CNTN3: variants seen among roughly 807,000 people sequenced by gnomAD.
The protein encoded by CNTN3 is contactin-3.
In CNTN3, 60 loss-of-function variants were observed where a neutral mutation model predicts 119.1. The ratio of observed to expected loss-of-function variants is 0.50; its 90% CI spans 0.41 to 0.62. The LOEUF (loss-of-function observed/expected upper bound fraction) is 0.62. Ranked by LOEUF, CNTN3 falls within the 20% of genes least tolerant of loss-of-function variation. The probability of loss-of-function intolerance (pLI) is 0.00; values close to 1 mark genes in which losing one functional copy is unlikely to be tolerated. For missense variants in CNTN3, 1,101 were observed against 1,242.4 expected, an observed-to-expected ratio of 0.89 and a Z score of 1.71; for synonymous variants, 450 against 438.7, an observed-to-expected ratio of 1.03 and a Z score of -0.32.
chr3:74,499,258 C>A (rs757897849), intron 3 of CNTN3, among the ~76,000 whole-genome samples: 1 of 151,826 alleles, frequency 6.6e-6, no homozygotes. Flanking sequence ...AACCTCCAAG[C>A]ACATATCCAG....
At position 74,557,367 on chromosome 3, in the gene CNTN3, T is replaced by C. The variant is rs371752926; in HGVS notation, c.-80-36175A>G. On this transcript the variant is annotated intron_variant, in intron 1 of 22. Transcript: ENST00000263665. ...GGCAGATGGATATCCAGTTTTCCCA[T>C]CACTGTGATGGCATTTTGAAAATAT... is the stretch of plus-strand genomic sequence containing the variant. 2.6e-5 allele frequency among the ~76,000 whole-genome samples: 4 copies of C among 152,260 alleles called. No individual in the cohort carries two copies. The East Asian group carries it at 7.7e-4, about 29-fold the overall frequency.
At chr3:74,298,625 G>A (rs1490839585) in intron 17 of CNTN3, among the ~76,000 whole-genome samples, 13 of 150,874 alleles carry the variant, frequency 8.6e-5, no homozygotes, top group Admixed American at 5.9e-4. Flanking sequence ...GGCCTGGTAC[G>A]GTGGCTCACG....
intron 19 of CNTN3, among the ~76,000 whole-genome samples, chr3:74,289,821 T>A (rs1471563363): frequency 1.3e-5 from 2 of 152,218 alleles, no homozygotes; most frequent in Non-Finnish European, 2.9e-5. Flanking sequence ...GTATGTCAGA[T>A]ACTACTCCAG....
At chr3:74,424,290 C>T (rs972867193) in intron 5 of CNTN3, among the ~76,000 whole-genome samples, 3 of 151,910 alleles carry the variant, frequency 2.0e-5, no homozygotes, top group Non-Finnish European at 4.4e-5. Flanking sequence ...TTCTGAATTT[C>T]TAGTAATATT....
intron 11 of CNTN3, among the ~76,000 whole-genome samples, chr3:74,357,097 T>C (rs1232972384): frequency 6.6e-6 from 1 of 151,716 alleles, no homozygotes; most frequent in African/African-American, 2.4e-5. Flanking sequence ...CTAATTATTT[T>C]TGTATTTTTT....
Position 74,449,322 on chromosome 3 carries a change from T to C in CNTN3, c.359-24382A>G, listed in dbSNP as rs900461595. On this transcript the variant is annotated intron_variant, in intron 4 of 22. Coordinates refer to ENST00000263665, the MANE Select transcript of CNTN3 (RefSeq NM_020872.3). ...GAGGTTCTGAGTCTTAAGTAAATCA[T>C]ACCACTGCAGTACAGAGTTTAAATC... 2.6e-5 allele frequency among the ~76,000 whole-genome samples: 4 copies of C among 152,202 alleles called. No homozygotes were observed. In the South Asian group the frequency reaches 6.2e-4, roughly 24 times the overall value.
In CNTN3 at chr3:74,273,902, T is replaced by C. The variant is rs183084691; in HGVS notation, c.2705-6524A>G. On this transcript the variant is annotated intron_variant, in intron 20 of 22. Transcript: ENST00000263665. ...TTTTCTTTCCCAGCTGGGAGGTGGG[T>C]AGCCTGGGGAAACTTCTCAGCCCTG... Among the ~76,000 whole-genome samples the C allele has an allele frequency of 5.4e-3, 827 of 152,122 alleles. 8 individuals carry two copies. The highest frequency in any genetic ancestry group is 0.019 in the African/African-American group (768 of 41,466).
intron 1 of CNTN3, among the ~76,000 whole-genome samples, chr3:74,569,179 A>G (rs543083687): frequency 4.5e-4 from 69 of 152,228 alleles, no homozygotes; most frequent in African/African-American, 1.6e-3. Context: ...CTAAAGACTC[A>G]TATCTGTTAC....
chr3:74,581,999 T>C (rs950809598), intron 1 of CNTN3, among the ~76,000 whole-genome samples: 1 of 152,038 alleles, frequency 6.6e-6, no homozygotes, highest in Admixed American at 6.6e-5. Flanking sequence ...CAAAATATTC[T>C]CCAGAAGAAT....
intron 4 of CNTN3, among the ~76,000 whole-genome samples, chr3:74,458,543 C>A (rs1474144765): frequency 6.6e-6 from 1 of 151,962 alleles, no homozygotes; most frequent in Non-Finnish European, 1.5e-5. Flanking sequence ...AGTACAAAGG[C>A]AGAACTCAGT....
intron 1 of CNTN3, among the ~76,000 whole-genome samples, chr3:74,594,485 T>G (rs2106692791): frequency 6.6e-6 from 1 of 150,444 alleles, no homozygotes; most frequent in African/African-American, 2.4e-5. Context: ...GATGTTCCCC[T>G]TCCTGTGTCC....
chr3:74,303,827 T>C (rs1442314063), intron 13 of CNTN3, among the ~76,000 whole-genome samples: 1 of 152,218 alleles, frequency 6.6e-6, no homozygotes, highest in Non-Finnish European at 1.5e-5. Flanking sequence ...TAAGAGCATG[T>C]AAAATTGTGT....
chr3:74,456,881 C>G (rs1398187109), intron 4 of CNTN3, among the ~76,000 whole-genome samples: 2 of 152,058 alleles, frequency 1.3e-5, no homozygotes, highest in East Asian at 3.9e-4. Flanking sequence ...TGAGATTACA[C>G]TCAAAGGCAA....
intron 1 of CNTN3, among the ~76,000 whole-genome samples, chr3:74,542,874 T>G (rs1703861145): frequency 6.6e-6 from 1 of 152,138 alleles, no homozygotes; most frequent in African/African-American, 2.4e-5. Context: ...ATCCCAGCAT[T>G]TCGGGAGGCT....
At chr3:74,369,093 G>T in intron 8 of CNTN3, 96 bp downstream of exon 8, 1 of 824,800 alleles carries the variant, frequency 1.2e-6, no homozygotes. Context: ...TGAACATTGG[G>T]ATTCTGCTAT....
chr3:74,565,787 C>A (rs900175861), intron 1 of CNTN3, among the ~76,000 whole-genome samples: 2 of 152,092 alleles, frequency 1.3e-5, no homozygotes, highest in African/African-American at 4.8e-5. Context: ...AGAATGAAAA[C>A]TGGGTATATC....
chr3:74,300,456 A>C (rs1362086653), intron 16 of CNTN3, among the ~76,000 whole-genome samples: 1 of 152,196 alleles, frequency 6.6e-6, no homozygotes, highest in Non-Finnish European at 1.5e-5. Context: ...CACAGCTAGA[A>C]TAGAAGTCCC....
At chr3:74,289,267 T>C (rs867274906) in intron 19 of CNTN3, among the ~76,000 whole-genome samples, 1 of 152,358 alleles carries the variant, frequency 6.6e-6, no homozygotes, top group Non-Finnish European at 1.5e-5. Context: ...CCTTTTTCTT[T>C]ATACTTACCA....
chr3:74,523,630 G>A (rs1047114722), intron 1 of CNTN3, among the ~76,000 whole-genome samples: 1 of 151,838 alleles, frequency 6.6e-6, no homozygotes, highest in African/African-American at 2.4e-5. Flanking sequence ...AAAAGAATAG[G>A]TAGTTGGGAA....
Sources: gnomAD v4.1 joint callset for allele counts (sites outside exome capture counted in the v4.1 genomes callset) on GRCh38, gnomAD v4.1.1 for gene constraint, MANE v1.5 for transcripts, NCBI Gene and HGNC (gene_info 2026-07-23, HGNC 2026-07-21) for gene names.